Variants in EIF2AK2 observed in about 807,000 individuals in gnomAD.
EIF2AK2 encodes interferon-induced, double-stranded RNA-activated protein kinase.
EIF2AK2 carries 40 observed loss-of-function variants against 70.5 expected under a neutral mutation model. That is an observed-to-expected ratio of 0.57 (90% CI 0.44 to 0.74). The LOEUF (loss-of-function observed/expected upper bound fraction) is 0.74, where lower values mean the gene tolerates loss of function less well. Ranked by LOEUF, EIF2AK2 falls within the 30% of genes least tolerant of loss-of-function variation. The pLI is 0.00. For synonymous variants in EIF2AK2, 198 were observed against 220.9 expected (o/e 0.90, Z 0.92); for missense variants, 555 against 644.3 (o/e 0.86, Z 1.50).
In EIF2AK2 at chr2:37,125,068, A is replaced by C. The variant is rs189718879; in HGVS notation, c.908+1221T>G. 1.1e-4 allele frequency among the ~76,000 whole-genome samples: 16 copies of C among 151,980 alleles called. No individual in the cohort carries two copies. In the Middle Eastern group the frequency reaches 0.017, roughly 162 times the overall value. On this transcript the variant is annotated intron_variant, in intron 11 of 16. Transcript: ENST00000233057. ...GCTTTTGTTGCCCAGGCTGGAGTGC[A>C]ATGGCATGATCTGGGCTCACCACAA...
rs1385072667 is a variant in EIF2AK2, at chr2:37,099,624, G to GAGTT, written c.*7645_*7648dup. 1 of 152,190 alleles carries GAGTT rather than the reference G, an allele frequency of 6.6e-6. No homozygotes were observed. The highest frequency in any genetic ancestry group is 1.5e-5 in the Non-Finnish European group (1 of 68,038). 9.4% of individuals were successfully genotyped at this position (152,190 alleles called of 1,614,324 possible). A position where few individuals can be genotyped will look rare whatever the true frequency, so the allele number is the denominator to read the frequency against. The stretch of plus-strand genomic sequence containing the variant: ...TTTGATATGCAAAGTTATGAGGAAA[G>GAGTT]AGTTACTGTATAATCCAGCCATTCT... On this transcript the variant is annotated 3_prime_UTR_variant, in exon 17 of 17. Coordinates refer to ENST00000233057, the MANE Select transcript of EIF2AK2 (RefSeq NM_001135651.3).
chr2:37,150,990 A>C (rs1443048840), intron 1 of EIF2AK2, among the ~76,000 whole-genome samples: 1 of 152,224 alleles, frequency 6.6e-6, no homozygotes, highest in Non-Finnish European at 1.5e-5. Flanking sequence ...GAAAACTATA[A>C]AACTCTTAGA....
chr2:37,118,441 G>T (rs1040980515), intron 13 of EIF2AK2, among the ~76,000 whole-genome samples: 1 of 152,178 alleles, frequency 6.6e-6, no homozygotes, highest in African/African-American at 2.4e-5. Flanking sequence ...GGGCACACAC[G>T]GTGTGGGGCA....
At chr2:37,125,083 G>A (rs992235951) in intron 11 of EIF2AK2, among the ~76,000 whole-genome samples, 2 of 152,044 alleles carry the variant, frequency 1.3e-5, no homozygotes, top group African/African-American at 4.8e-5. Flanking sequence ...CATGATCTGG[G>A]CTCACCACAA....
intron 5 of EIF2AK2, among the ~76,000 whole-genome samples, chr2:37,141,083 A>T (rs1190570796): frequency 6.6e-6 from 1 of 152,222 alleles, no homozygotes; most frequent in East Asian, 1.9e-4. Flanking sequence ...CTAGGGCTAA[A>T]GCTCATTCCT....
At chr2:37,145,725 G>A (rs540163577) in intron 4 of EIF2AK2, among the ~76,000 whole-genome samples, 1 of 143,410 alleles carries the variant, frequency 7.0e-6, no homozygotes, top group African/African-American at 2.6e-5. Context: ...GCCTTATATG[G>A]GTGTACTTTT....
intron 14 of EIF2AK2, 168 bp from the exon 15 acceptor site, chr2:37,109,463 G>A (rs987646934): frequency 1.9e-5 from 11 of 564,592 alleles, no homozygotes; most frequent in East Asian, 6.0e-5. Context: ...CTGTACCGCC[G>A]AATAGCTGAA....
chr2:37,142,976 C>G (rs781731151), intron 4 of EIF2AK2, among the ~76,000 whole-genome samples: 3 of 152,160 alleles, frequency 2.0e-5, no homozygotes, highest in Non-Finnish European at 4.4e-5. Flanking sequence ...CACCTGTAAT[C>G]CCAGCACTTT....
At position 37,138,513 on chromosome 2, in the gene EIF2AK2, T is replaced by C; in HGVS notation, c.589A>G (p.Thr197Ala). 2 of 1,614,096 alleles carry C rather than the reference T, an allele frequency of 1.2e-6. No homozygotes were observed. Among genetic ancestry groups the C allele is most frequent in the Non-Finnish European group, 1.7e-6 (2 of 1,179,960 alleles). The change falls in exon 7 of 17, where the codon ACA (threonine) becomes GCA (alanine). Residue 197 changes from threonine to alanine, a missense_variant. Around this residue, in one of 3 missense-constraint regions of EIF2AK2, gnomAD observed 208 missense variants for 191.8 expected, o/e 1.08. Coordinates refer to ENST00000233057, the MANE Select transcript of EIF2AK2 (RefSeq NM_001135651.3). ...ESQSNSLVTS[T>A]LASESSSEGD... ...CAATTGTTTGTCTACACTTACAGTG[T>C]GCTGGTCACTAAAGAGTTGCTTTGG...
In EIF2AK2 at chr2:37,145,551, G is replaced by C. The variant is rs1385680857; in HGVS notation, c.240+1302C>G. 2.6e-5 allele frequency among the ~76,000 whole-genome samples: 4 copies of C among 151,684 alleles called. No individual in the cohort carries two copies. The South Asian group carries it at 6.2e-4, about 24-fold the overall frequency. On this transcript the variant is annotated intron_variant, in intron 4 of 16. Transcript: ENST00000233057. ...AAGCTAAGGTTAATTTATTATTGAA[G>C]AAAAAAAATTTAAATAAAATGAATG... is the stretch of plus-strand genomic sequence containing the variant.
rs866446725 is a variant in EIF2AK2, at chr2:37,118,031, G to A, written c.1248+1928C>T. 3.9e-5 allele frequency among the ~76,000 whole-genome samples: 6 copies of A among 152,120 alleles called. No homozygotes were observed. In the East Asian group the frequency reaches 1.2e-3, roughly 29 times the overall value. On this transcript the variant is annotated intron_variant, in intron 13 of 16. Coordinates refer to ENST00000233057, the MANE Select transcript of EIF2AK2 (RefSeq NM_001135651.3). Reference sequence around the variant, plus strand: ...GTCTCAGTATCAAAGCTTGAGGCCGGGTGCAGTGGAGCACACCTGGAATGC... The same window carrying A: ...GTCTCAGTATCAAAGCTTGAGGCCGAGTGCAGTGGAGCACACCTGGAATGC...
In EIF2AK2 at chr2:37,148,888, G is replaced by T; in HGVS notation, c.-48C>A. ...GGAAGCTTTGTCCAAAATGCACGCA[G>T]ATAATCACGGAAGTGTGGATGTTGA... On this transcript the variant is annotated 5_prime_UTR_variant, in exon 2 of 17. The change creates a new upstream start codon in the 5' untranslated region. Coordinates refer to ENST00000233057, the MANE Select transcript of EIF2AK2 (RefSeq NM_001135651.3). 1 of 831,114 alleles carries T rather than the reference G, an allele frequency of 1.2e-6. No individual in the cohort carries two copies. 51.5% of individuals were successfully genotyped at this position (831,114 alleles called of 1,614,324 possible). A position where few individuals can be genotyped will look rare whatever the true frequency, so the allele number is the denominator to read the frequency against.
In EIF2AK2 at chr2:37,122,447, A is replaced by G. The variant is rs1376090229; in HGVS notation, c.1067+59T>C. On this transcript the variant is annotated intron_variant, in intron 12 of 16. Coordinates refer to ENST00000233057, the MANE Select transcript of EIF2AK2 (RefSeq NM_001135651.3). ...AATAGCCTTATCCAGTGGCCCATAC[A>G]TAGTAAATAACAATTTCCTTCCATC... 4 of 1,569,132 alleles carry G rather than the reference A, an allele frequency of 2.5e-6. No homozygotes were observed. In the African/African-American group the frequency reaches 4.1e-5, roughly 16 times the overall value.
chr2:37,137,699 T>A (rs532819461), intron 8 of EIF2AK2, among the ~76,000 whole-genome samples: 1 of 152,244 alleles, frequency 6.6e-6, no homozygotes, highest in Middle Eastern at 3.4e-3. Context: ...TTAAATATTA[T>A]CCCATTGGTA....
intron 5 of EIF2AK2, 106 bp downstream of exon 5, chr2:37,141,447 A>G: frequency 7.4e-7 from 1 of 1,359,538 alleles, no homozygotes; most frequent in Non-Finnish European, 1.0e-6. Flanking sequence ...CCTTGCATAC[A>G]GAATGCTTAA....
At chr2:37,127,787 G>C (rs544507697) in intron 10 of EIF2AK2, among the ~76,000 whole-genome samples, 3 of 149,586 alleles carry the variant, frequency 2.0e-5, no homozygotes, top group Non-Finnish European at 4.4e-5. Flanking sequence ...CTGTCACCCA[G>C]GCTGGAATAC....
At chr2:37,128,719 C>T (rs1182046832) in intron 10 of EIF2AK2, among the ~76,000 whole-genome samples, 1 of 152,122 alleles carries the variant, frequency 6.6e-6, no homozygotes, top group Non-Finnish European at 1.5e-5. Flanking sequence ...CTTTAAGTTC[C>T]CCTTGATTAT....
At chr2:37,119,632 C>T (rs1437117458) in intron 13 of EIF2AK2, among the ~76,000 whole-genome samples, 2 of 151,008 alleles carry the variant, frequency 1.3e-5, no homozygotes, top group Non-Finnish European at 2.9e-5. Flanking sequence ...TCACTCTTCA[C>T]CTAGGCTGGA....
intron 10 of EIF2AK2, among the ~76,000 whole-genome samples, chr2:37,132,978 C>T (rs944712549): frequency 6.6e-6 from 1 of 152,106 alleles, no homozygotes; most frequent in Non-Finnish European, 1.5e-5. Flanking sequence ...AGAAATCATC[C>T]CCAGGTTCAG....
Sources: gnomAD v4.1 joint callset for allele counts (sites outside exome capture counted in the v4.1 genomes callset) on GRCh38, gnomAD v4.1.1 for gene constraint, gnomAD v4.1.1 regional missense constraint, MANE v1.5 for transcripts, NCBI Gene and HGNC (gene_info 2026-07-23, HGNC 2026-07-21) for gene names.